The following PDE7A variants were observed in gnomAD, a reference collection of about 807,000 sequenced individuals.
PDE7A encodes the protein high affinity 3',5'-cyclic-AMP phosphodiesterase 7A.
PDE7A carries 39 observed loss-of-function variants against 64.3 expected under a neutral mutation model. The ratio of observed to expected loss-of-function variants is 0.61; its 90% CI spans 0.47 to 0.79. The LOEUF is 0.79. Ranked by LOEUF, PDE7A falls within the 30% of genes least tolerant of loss-of-function variation. The pLI, the probability that PDE7A is intolerant of heterozygous loss-of-function variation, is 0.00. For missense variants in PDE7A, 470 were observed against 582.8 expected, an observed-to-expected ratio of 0.81 and a Z score of 1.99; for synonymous variants, 203 against 206.8, an observed-to-expected ratio of 0.98 and a Z score of 0.16.
chr8:65,798,204 A>G (rs7008513), intron 1 of PDE7A, among the ~76,000 whole-genome samples: 1 of 38,200 alleles, frequency 2.6e-5, no homozygotes, highest in Non-Finnish European at 4.7e-5. Context: ...ATATATATAT[A>G]TATTTTTTTT....
rs1806100679 is a variant in PDE7A at position 65,715,549 on chromosome 8, T to C, written c.*3741A>G. 6.6e-6 allele frequency among the ~76,000 whole-genome samples: 1 copy of C among 151,428 alleles called. No homozygotes were observed. The highest frequency in any genetic ancestry group is 1.5e-5 in the Non-Finnish European group (1 of 67,812). On this transcript the variant is annotated 3_prime_UTR_variant, in exon 13 of 13. Transcript: ENST00000401827. The stretch of plus-strand genomic sequence containing the variant: ...TGCGCCACCACGCCCAGCTAATTTT[T>C]GCATTTTTAGTAGAGATGGGGTTTC...
chr8:65,826,445 C>G (rs1466151818), intron 1 of PDE7A, among the ~76,000 whole-genome samples: 1 of 152,182 alleles, frequency 6.6e-6, no homozygotes, highest in Non-Finnish European at 1.5e-5. Context: ...GATCTCACTT[C>G]GTAAAACATC....
chr8:65,809,059 A>T (rs541213383), intron 1 of PDE7A, among the ~76,000 whole-genome samples: 13 of 152,334 alleles, frequency 8.5e-5, no homozygotes, highest in African/African-American at 2.6e-4. Context: ...GAGTTAGAAG[A>T]TTTGGTTTCT....
intron 1 of PDE7A, among the ~76,000 whole-genome samples, chr8:65,821,552 A>T (rs780985721): frequency 2.0e-5 from 3 of 152,252 alleles, no homozygotes; most frequent in Non-Finnish European, 4.4e-5. Flanking sequence ...AGAAATGTGT[A>T]TAACCCTGTA....
At chr8:65,733,835 G>A (rs950514509) in intron 7 of PDE7A, among the ~76,000 whole-genome samples, 1 of 152,074 alleles carries the variant, frequency 6.6e-6, no homozygotes, top group African/African-American at 2.4e-5. Context: ...GGCATCAATG[G>A]GCACAAGCCA....
intron 3 of PDE7A, among the ~76,000 whole-genome samples, chr8:65,778,316 C>T (rs143646910): frequency 6.6e-6 from 1 of 152,278 alleles, no homozygotes; most frequent in Non-Finnish European, 1.5e-5. Context: ...CTAAGACTTC[C>T]CTGAGACTGC....
intron 12 of PDE7A, chr8:65,722,762 T>G (rs1260076411): frequency 1.3e-5 from 2 of 152,254 alleles, no homozygotes; most frequent in Non-Finnish European, 2.9e-5. Flanking sequence ...GGCCTCGTGC[T>G]TCTGGTGTGG....
At chr8:65,739,932 A>AGT (rs1485175633) in intron 5 of PDE7A, among the ~76,000 whole-genome samples, 1 of 152,206 alleles carries the variant, frequency 6.6e-6, no homozygotes, top group Non-Finnish European at 1.5e-5. Context: ...AACCTAACTC[A>AGT]GTGTGGCTGC....
intron 1 of PDE7A, among the ~76,000 whole-genome samples, chr8:65,839,540 A>C (rs1422881877): frequency 6.6e-6 from 1 of 152,154 alleles, no homozygotes; most frequent in Admixed American, 6.5e-5. Context: ...ATTTACCACA[A>C]TGTTAATAGA....
intron 3 of PDE7A, among the ~76,000 whole-genome samples, chr8:65,770,164 C>T (rs935545808): frequency 8.5e-5 from 11 of 129,932 alleles, no homozygotes; most frequent in African/African-American, 3.3e-4. Flanking sequence ...TGTGTGTGTG[C>T]CACACCTAAT....
chr8:65,724,476 T>C (rs1806526126), intron 10 of PDE7A, 125 bp from the exon 11 acceptor site: 1 of 611,220 alleles, frequency 1.6e-6, no homozygotes, highest in Admixed American at 3.1e-5. Context: ...ATAATTCTCC[T>C]ATTTTTAGAT....
intron 1 of PDE7A, among the ~76,000 whole-genome samples, chr8:65,826,622 T>C (rs532834721): frequency 6.6e-6 from 1 of 152,350 alleles, no homozygotes; most frequent in East Asian, 1.9e-4. Flanking sequence ...CTGTAATACC[T>C]AGCAGAGTGC....
chr8:65,789,991 A>T (rs1158354928), intron 1 of PDE7A, among the ~76,000 whole-genome samples: 1 of 152,238 alleles, frequency 6.6e-6, no homozygotes, highest in East Asian at 1.9e-4. Context: ...AAACGCCAAC[A>T]AACCTGAATC....
At chr8:65,740,314 C>T (rs1202886111) in intron 5 of PDE7A, among the ~76,000 whole-genome samples, 2 of 152,168 alleles carry the variant, frequency 1.3e-5, no homozygotes, top group East Asian at 1.9e-4. Flanking sequence ...TTATGCTCTT[C>T]TTAAACTTTC....
At chr8:65,771,134 G>A (rs1809067326) in intron 3 of PDE7A, 1 of 263,730 alleles carries the variant, frequency 3.8e-6, no homozygotes, top group African/African-American at 2.3e-5. Flanking sequence ...TGTTAATTTT[G>A]AGGCCTATAA....
rs1232374542 is a variant in PDE7A at position 65,733,902 on chromosome 8, G to A, written c.696+892C>T. 2.0e-5 allele frequency among the ~76,000 whole-genome samples: 3 copies of A among 152,158 alleles called. No homozygotes were observed. The East Asian group carries it at 5.8e-4, about 29-fold the overall frequency. On this transcript the variant is annotated intron_variant, in intron 7 of 12. Coordinates refer to ENST00000401827, the MANE Select transcript of PDE7A (RefSeq NM_001242318.3). ...TAGCCAGAACTAAGATCTAGGGAGA[G>A]AGCAGTTTTGAAGTAGAGATGGGAT...
intron 7 of PDE7A, chr8:65,727,567 A>G (rs773279874): frequency 3.3e-6 from 1 of 305,048 alleles, no homozygotes; most frequent in East Asian, 5.4e-5. Context: ...ATTTTTAACA[A>G]GCTTAATTAA....
At chr8:65,719,757 C>G (rs1806296251) in intron 12 of PDE7A, 2 of 451,830 alleles carry the variant, frequency 4.4e-6, no homozygotes, top group Non-Finnish European at 8.1e-6. Context: ...TTATCCTTCT[C>G]AGTGGCACAA....
intron 1 of PDE7A, among the ~76,000 whole-genome samples, chr8:65,840,538 T>C (rs775015856): frequency 6.6e-6 from 1 of 152,196 alleles, no homozygotes; most frequent in Non-Finnish European, 1.5e-5. Flanking sequence ...TCATTAGCCA[T>C]AACTTCTGGC....
Sources: allele counts gnomAD v4.1 joint callset (sites outside exome capture counted in the v4.1 genomes callset), GRCh38; gene constraint gnomAD v4.1.1; transcripts MANE v1.5; gene names NCBI Gene and HGNC (gene_info 2026-07-23, HGNC 2026-07-21).